Variants in LRRC4C observed in about 807,000 individuals in gnomAD.
LRRC4C encodes leucine rich repeat containing 4C, also known as leucine-rich repeat-containing protein 4C.
In LRRC4C, 5 loss-of-function variants were observed where a neutral mutation model predicts 33.6. The ratio of observed to expected loss-of-function variants is 0.15; its 90% confidence interval spans 0.08 to 0.31. The LOEUF (loss-of-function observed/expected upper bound fraction) is 0.31. Among genes scored for constraint, LRRC4C ranks in the 10% least tolerant of loss-of-function variants. The pLI, the probability that LRRC4C is intolerant of heterozygous loss-of-function variation, is 1.00. For missense variants in LRRC4C, 560 were observed against 796.7 expected, an observed-to-expected ratio of 0.70 and a Z score of 3.58; for synonymous variants, 329 against 302.0, an observed-to-expected ratio of 1.09 and a Z score of -0.93.
intron 2 of LRRC4C, among the ~76,000 whole-genome samples, chr11:40,835,996 T>G (rs578237208): frequency 6.6e-6 from 1 of 152,288 alleles, no homozygotes; most frequent in Non-Finnish European, 1.5e-5. Context: ...AGCATTTAAT[T>G]TGCTACATTG....
chr11:40,510,879 A>T (rs1264233036), intron 3 of LRRC4C, among the ~76,000 whole-genome samples: 1 of 152,202 alleles, frequency 6.6e-6, no homozygotes, highest in Non-Finnish European at 1.5e-5. Flanking sequence ...AAAGAAAGAA[A>T]GATTTGGATA....
chr11:41,201,724 A>G (rs187353715), intron 1 of LRRC4C, among the ~76,000 whole-genome samples: 316 of 152,250 alleles, frequency 2.1e-3, no homozygotes, highest in African/African-American at 7.1e-3. Flanking sequence ...ATCTCAGAAG[A>G]TTTTACATAG....
intron 2 of LRRC4C, among the ~76,000 whole-genome samples, chr11:40,815,172 C>T (rs1364972865): frequency 6.6e-6 from 1 of 152,202 alleles, no homozygotes; most frequent in African/African-American, 2.4e-5. Flanking sequence ...GGAGACCTCA[C>T]TCTCATGGCA....
At chr11:40,444,031 T>A (rs2137997166) in intron 3 of LRRC4C, among the ~76,000 whole-genome samples, 1 of 152,348 alleles carries the variant, frequency 6.6e-6, no homozygotes, top group East Asian at 1.9e-4. Context: ...AGCTTTATGA[T>A]GAGAAAATAA....
intron 2 of LRRC4C, among the ~76,000 whole-genome samples, chr11:40,669,303 C>G (rs945537223): frequency 6.6e-6 from 1 of 152,106 alleles, no homozygotes; most frequent in African/African-American, 2.4e-5. Flanking sequence ...TTTATTAAAG[C>G]AACAATATAC....
At chr11:41,310,450 T>C (rs1222437554) in intron 1 of LRRC4C, among the ~76,000 whole-genome samples, 1 of 152,214 alleles carries the variant, frequency 6.6e-6, no homozygotes, top group African/African-American at 2.4e-5. Flanking sequence ...CTCCACCATT[T>C]ATTTTTTATA....
intron 1 of LRRC4C, among the ~76,000 whole-genome samples, chr11:40,964,075 T>C (rs1162650359): frequency 2.0e-5 from 3 of 151,628 alleles, no homozygotes; most frequent in Admixed American, 6.6e-5. Context: ...CCTGCTGCTA[T>C]TTCTCAATGT....
chr11:40,697,828 G>A (rs1355927001), intron 2 of LRRC4C, among the ~76,000 whole-genome samples: 1 of 151,990 alleles, frequency 6.6e-6, no homozygotes, highest in African/African-American at 2.4e-5. Context: ...CCAGCACTTC[G>A]AGAGGCCAAG....
intron 2 of LRRC4C, among the ~76,000 whole-genome samples, chr11:40,911,985 A>T (rs1018795858): frequency 3.9e-5 from 6 of 152,234 alleles, no homozygotes; most frequent in Non-Finnish European, 7.3e-5. Flanking sequence ...GTGAGAAGGG[A>T]AGTTGAGAGA....
At chr11:40,151,993 T>C (rs183352428) in intron 5 of LRRC4C, among the ~76,000 whole-genome samples, 1 of 152,274 alleles carries the variant, frequency 6.6e-6, no homozygotes, top group African/African-American at 2.4e-5. Flanking sequence ...CAGAGCAGCA[T>C]CCAGAGGCTT....
intron 2 of LRRC4C, among the ~76,000 whole-genome samples, chr11:40,654,819 A>G (rs1023186701): frequency 2.0e-5 from 3 of 152,168 alleles, no homozygotes; most frequent in African/African-American, 7.2e-5. Flanking sequence ...AATCCCCATA[A>G]TACCCACGTG....
intron 1 of LRRC4C, among the ~76,000 whole-genome samples, chr11:41,387,702 C>T (rs1261106781): frequency 6.6e-6 from 1 of 151,608 alleles, no homozygotes; most frequent in Admixed American, 6.6e-5. Context: ...TATGGGTGAC[C>T]CTGGTTTAAA....
chr11:40,438,044 G>A lies in LRRC4C; in HGVS notation c.-269-118323C>T, dbSNP rs927127481. ...AGAAGTATAAGGCAATGCCCTTGAAGTGACCTTCATGTCCCATGCTCACCA... is the reference window on the plus strand; with the variant it reads ...AGAAGTATAAGGCAATGCCCTTGAAATGACCTTCATGTCCCATGCTCACCA... On this transcript the variant is annotated intron_variant, in intron 3 of 6. Transcript: ENST00000528697. Among the ~76,000 whole-genome samples, 6 of 152,150 alleles carry A rather than the reference G, an allele frequency of 3.9e-5. 1 individual carries two copies. The East Asian group carries it at 1.2e-3, about 29-fold the overall frequency.
chr11:40,844,541 A>G (rs1025072784), intron 2 of LRRC4C, among the ~76,000 whole-genome samples: 5 of 152,190 alleles, frequency 3.3e-5, no homozygotes, highest in Admixed American at 6.6e-5. Context: ...AAGATATCCA[A>G]AAAGAATACA....
intron 1 of LRRC4C, among the ~76,000 whole-genome samples, chr11:41,246,009 G>A (rs1021192909): frequency 3.9e-5 from 6 of 152,074 alleles, no homozygotes; most frequent in East Asian, 1.9e-4. Flanking sequence ...GTTCTCACTC[G>A]GGTCCACAGA....
At chr11:40,325,270 G>A (rs1050306312) in intron 3 of LRRC4C, among the ~76,000 whole-genome samples, 1 of 152,142 alleles carries the variant, frequency 6.6e-6, no homozygotes, top group Non-Finnish European at 1.5e-5. Flanking sequence ...AACTACTTCA[G>A]TATTATTATA....
At chr11:41,222,876 G>T (rs1001275441) in intron 1 of LRRC4C, 3 of 151,420 alleles carry the variant, frequency 2.0e-5, no homozygotes, top group African/African-American at 7.3e-5. Context: ...TCCAGGCTGG[G>T]GTGTGTACTT....
chr11:40,778,019 C>T (rs141981312), intron 2 of LRRC4C, among the ~76,000 whole-genome samples: 22 of 152,198 alleles, frequency 1.4e-4, no homozygotes, highest in Admixed American at 1.0e-3. Flanking sequence ...AACTTACCAC[C>T]CTGTACCTTT....
intron 3 of LRRC4C, among the ~76,000 whole-genome samples, chr11:40,477,898 G>C (rs1366258004): frequency 1.3e-5 from 2 of 152,042 alleles, no homozygotes; most frequent in Non-Finnish European, 2.9e-5. Context: ...CCCAGTGAGA[G>C]ATAACTGAAT....
Sources: allele counts gnomAD v4.1 joint callset (sites outside exome capture counted in the v4.1 genomes callset), GRCh38; gene constraint gnomAD v4.1.1; transcripts MANE v1.5; gene names NCBI Gene and HGNC (gene_info 2026-07-23, HGNC 2026-07-21).